Variants in RXRG observed in about 807,000 individuals in gnomAD.
RXRG encodes retinoid X receptor gamma.
In RXRG, 19 loss-of-function variants were observed where a neutral mutation model predicts 49.2. The ratio of observed to expected loss-of-function variants is 0.39; its 90% CI spans 0.27 to 0.57. The LOEUF (loss-of-function observed/expected upper bound fraction) is 0.57. Among genes scored for constraint, RXRG ranks in the 20% least tolerant of loss-of-function variants. The probability of loss-of-function intolerance (pLI) is 0.64; values close to 1 mark genes in which losing one functional copy is unlikely to be tolerated. For missense variants in RXRG, 452 were observed against 592.5 expected, an observed-to-expected ratio of 0.76 and a Z score of 2.46; for synonymous variants, 224 against 216.6, an observed-to-expected ratio of 1.03 and a Z score of -0.30.
intron 1 of RXRG, among the ~76,000 whole-genome samples, chr1:165,439,019 A>G (rs1246744993): frequency 6.6e-6 from 1 of 152,102 alleles, no homozygotes; most frequent in Non-Finnish European, 1.5e-5. Context: ...TAAAATCCCC[A>G]CTGAGTAACC....
intron 3 of RXRG, among the ~76,000 whole-genome samples, chr1:165,419,399 T>C (rs1658236494): frequency 6.6e-6 from 1 of 151,940 alleles, no homozygotes; most frequent in Admixed American, 6.6e-5. Context: ...CTTAATACTT[T>C]TTTTTTTTTG....
rs1196508570 is a variant in RXRG at position 165,444,705 on chromosome 1, AC to A, written c.49+139del. Reference sequence around the variant, plus strand: ...TGCACGCGTGCACACACACGCTGAAACGCTATATACACACTATATATGCATA... The same window carrying A: ...TGCACGCGTGCACACACACGCTGAAAGCTATATACACACTATATATGCATA... On this transcript the variant is annotated intron_variant, in intron 1 of 9. Transcript: ENST00000359842. 6.0e-5 allele frequency: 43 copies of A among 715,554 alleles called. No homozygotes were observed. In the Admixed American group the frequency reaches 9.9e-4, roughly 16 times the overall value. 44.3% of individuals were successfully genotyped at this position (715,554 alleles called of 1,614,324 possible).
At position 165,428,880 on chromosome 1, in the gene RXRG, T is replaced by G. The variant is rs1433545519; in HGVS notation, c.136A>C (p.Thr46Pro). ...CGTGGGGCACTCACTGGGGTATCTG[T>G]GTAGCTGGGGTGGCTGTCCATTGGC... ...GKPMDSHPSYTDTPVSAPRTL... is the reference protein window; with the variant it reads ...GKPMDSHPSYPDTPVSAPRTL... The change falls in exon 2 of 10, where the codon ACA becomes CCA. Residue 46 changes from threonine (T) to proline (P), a missense_variant. By Grantham distance (38) the Thr-to-Pro change is conservative. Coordinates refer to ENST00000359842, the MANE Select transcript of RXRG (RefSeq NM_006917.5). The G allele has an allele frequency of 6.2e-7, 1 of 1,614,064 alleles. No individual in the cohort carries two copies. Among genetic ancestry groups the G allele is most frequent in the Non-Finnish European group, 8.5e-7 (1 of 1,179,992 alleles).
intron 9 of RXRG, among the ~76,000 whole-genome samples, chr1:165,403,090 G>A (rs1657638509): frequency 6.6e-6 from 1 of 152,162 alleles, no homozygotes; most frequent in Non-Finnish European, 1.5e-5. Context: ...TATAACTGAG[G>A]ACATTTGTTG....
intron 1 of RXRG, among the ~76,000 whole-genome samples, chr1:165,435,946 T>A (rs1398812789): frequency 6.6e-6 from 1 of 152,186 alleles, no homozygotes; most frequent in East Asian, 1.9e-4. Context: ...AATCAATGGG[T>A]AAGCTAGTGC....
intron 9 of RXRG, among the ~76,000 whole-genome samples, chr1:165,404,415 C>A (rs1025083727): frequency 2.6e-5 from 4 of 152,194 alleles, no homozygotes; most frequent in Non-Finnish European, 5.9e-5. Context: ...GCAGAAGAGT[C>A]AAGTTCCAAA....
Position 165,410,983 on chromosome 1 carries a change from G to C in RXRG, c.749C>G (p.Thr250Arg). Residue 250 changes from threonine (T) to arginine (R), a missense_variant, in exon 5 of 10, where the codon ACA becomes AGA. This residue lies in a region of RXRG where 286 missense variants were observed against 440.9 expected (regional missense o/e 0.65). Transcript: ENST00000359842. ...LEAELAVEPKTESYGDMNMEN... is the reference protein window; with the variant it reads ...LEAELAVEPKRESYGDMNMEN... ...CATATTCATGTCACCATAGGATTCT[G>C]TCTTTGGTTCAACAGCAAGTTCAGC... 12 of 1,614,164 alleles carry C rather than the reference G, an allele frequency of 7.4e-6. No individual in the cohort carries two copies. The highest frequency in any genetic ancestry group is 1.0e-5 in the Non-Finnish European group (12 of 1,180,014).
intron 8 of RXRG, among the ~76,000 whole-genome samples, 197 bp from the exon 9 acceptor site, chr1:165,407,114 A>C (rs1319872201): frequency 1.3e-5 from 2 of 152,202 alleles, no homozygotes; most frequent in African/African-American, 4.8e-5. Context: ...TGGGGCAAAG[A>C]TTTTAAACTC....
At chr1:165,410,860 A>C in intron 5 of RXRG, 29 bp from the exon 6 acceptor site, 1 of 1,614,066 alleles carries the variant, frequency 6.2e-7, no homozygotes, top group Non-Finnish European at 8.5e-7. Context: ...ACTGTGAGGC[A>C]CAGGTCCCAG....
intron 1 of RXRG, among the ~76,000 whole-genome samples, chr1:165,429,871 G>A (rs1658617624): frequency 6.6e-6 from 1 of 152,166 alleles, no homozygotes; most frequent in Non-Finnish European, 1.5e-5. Flanking sequence ...GCAAACTCGA[G>A]ATGAAACAGG....
intron 4 of RXRG, among the ~76,000 whole-genome samples, chr1:165,412,440 G>C (rs1292218298): frequency 6.6e-6 from 1 of 151,930 alleles, no homozygotes; most frequent in Non-Finnish European, 1.5e-5. Flanking sequence ...GAAAAGAGGG[G>C]AAAAAACCTG....
At chr1:165,425,065 GC>G in intron 2 of RXRG, 1 of 466,030 alleles carries the variant, frequency 2.1e-6, no homozygotes, top group Non-Finnish European at 2.8e-6. Context: ...AGCCCAGTTG[GC>G]CAGGACCAAA....
At chr1:165,428,669 T>C in intron 2 of RXRG, 50 bp downstream of exon 2, 1 of 1,540,566 alleles carries the variant, frequency 6.5e-7, no homozygotes, top group Non-Finnish European at 8.8e-7. Context: ...GCAGCCTGGG[T>C]GAAACCATGT....
At chr1:165,431,920 A>G (rs1304741001) in intron 1 of RXRG, among the ~76,000 whole-genome samples, 1 of 152,236 alleles carries the variant, frequency 6.6e-6, no homozygotes, top group African/African-American at 2.4e-5. Flanking sequence ...TTGTTATAAA[A>G]TTATCTTCCT....
At chr1:165,428,239 T>C (rs1220270429) in intron 2 of RXRG, among the ~76,000 whole-genome samples, 1 of 152,208 alleles carries the variant, frequency 6.6e-6, no homozygotes, top group Non-Finnish European at 1.5e-5. Context: ...CAGCATAGCA[T>C]GTAATGCAGT....
At chr1:165,404,339 G>A (rs1657676391) in intron 9 of RXRG, among the ~76,000 whole-genome samples, 1 of 152,170 alleles carries the variant, frequency 6.6e-6, no homozygotes, top group Non-Finnish European at 1.5e-5. Flanking sequence ...CCTAGTCCTG[G>A]CAACAAGTGT....
At chr1:165,409,192 C>T (rs1185140728) in intron 7 of RXRG, among the ~76,000 whole-genome samples, 1 of 152,118 alleles carries the variant, frequency 6.6e-6, no homozygotes, top group Non-Finnish European at 1.5e-5. Flanking sequence ...ATAAACAGTT[C>T]ACCCTCTCCA....
Position 165,401,234 on chromosome 1 carries a change from C to T in RXRG, c.*29G>A. ...CACACACACCTGCCCAGGGGTCATC[C>T]TGGGTGGGGAGGCTGTGGCTGGTGG... On this transcript the variant is annotated 3_prime_UTR_variant, in exon 10 of 10. Coordinates refer to ENST00000359842, the MANE Select transcript of RXRG (RefSeq NM_006917.5). 6.2e-7 allele frequency: 1 copy of T among 1,612,302 alleles called. No homozygotes were observed. Among genetic ancestry groups the T allele is most frequent in the Non-Finnish European group, 8.5e-7 (1 of 1,179,110 alleles).
chr1:165,415,362 T>C (rs1394076618), intron 4 of RXRG, among the ~76,000 whole-genome samples: 1 of 152,216 alleles, frequency 6.6e-6, no homozygotes, highest in Non-Finnish European at 1.5e-5. Flanking sequence ...CAAAGATTTT[T>C]GCCTTTTTTT....
Sources: allele counts gnomAD v4.1 joint callset (sites outside exome capture counted in the v4.1 genomes callset), GRCh38; gene constraint gnomAD v4.1.1; regional missense constraint gnomAD v4.1.1; transcripts MANE v1.5; gene names NCBI Gene and HGNC (gene_info 2026-07-23, HGNC 2026-07-21).